Variants in NELL1 observed in about 807,000 individuals in gnomAD.
NELL1 encodes neural EGFL like 1.
In NELL1, 76 loss-of-function variants were observed where a neutral mutation model predicts 107.4. That is an observed-to-expected ratio of 0.71 (90% CI 0.59 to 0.86). The LOEUF (loss-of-function observed/expected upper bound fraction) is 0.86, where lower values mean the gene tolerates loss of function less well. Ranked by LOEUF, NELL1 falls within the 40% of genes least tolerant of loss-of-function variation. NELL1 has a pLI of 0.00. For synonymous variants in NELL1, 353 were observed against 341.2 expected, an observed-to-expected ratio of 1.03 and a Z score of -0.38; for missense variants, 1,024 against 1,005.5, an observed-to-expected ratio of 1.02 and a Z score of -0.25.
chr11:20,998,951 C>T (rs1289324907), intron 12 of NELL1, among the ~76,000 whole-genome samples: 2 of 152,156 alleles, frequency 1.3e-5, no homozygotes, highest in African/African-American at 2.4e-5. Flanking sequence ...CGAAGGGTGA[C>T]TTCTACCATT....
At chr11:21,344,677 A>G (rs1850648276) in intron 14 of NELL1, among the ~76,000 whole-genome samples, 2 of 152,182 alleles carry the variant, frequency 1.3e-5, no homozygotes. Flanking sequence ...TTCAAATTCC[A>G]GCTGTTCTAC....
chr11:21,218,302 A>G (rs1018598129), intron 13 of NELL1, among the ~76,000 whole-genome samples: 9 of 152,144 alleles, frequency 5.9e-5, no homozygotes, highest in Non-Finnish European at 1.3e-4. Flanking sequence ...TGCCTGAACT[A>G]TTAGCTGTAA....
chr11:21,155,251 A>C (rs1856206224), intron 13 of NELL1, among the ~76,000 whole-genome samples: 1 of 152,112 alleles, frequency 6.6e-6, no homozygotes, highest in African/African-American at 2.4e-5. Context: ...GGTACAAGTC[A>C]TTTGTTCAGT....
At chr11:20,937,536 G>T (rs1564975842) in intron 9 of NELL1, among the ~76,000 whole-genome samples, 1 of 152,178 alleles carries the variant, frequency 6.6e-6, no homozygotes, top group Non-Finnish European at 1.5e-5. Flanking sequence ...AGTTCCTTTG[G>T]CAACTGTAAC....
chr11:21,283,193 G>C (rs1192813303), intron 14 of NELL1, among the ~76,000 whole-genome samples: 1 of 152,054 alleles, frequency 6.6e-6, no homozygotes, highest in Non-Finnish European at 1.5e-5. Flanking sequence ...ATATATAAAA[G>C]ATAAATGTTT....
chr11:21,399,909 C>G (rs1852061145), intron 15 of NELL1, among the ~76,000 whole-genome samples: 1 of 151,790 alleles, frequency 6.6e-6, no homozygotes, highest in African/African-American at 2.4e-5. Context: ...AATAACATTA[C>G]TGACACCCTG....
chr11:20,911,169 A>G (rs975007452), intron 5 of NELL1, among the ~76,000 whole-genome samples: 1 of 152,250 alleles, frequency 6.6e-6, no homozygotes, highest in Non-Finnish European at 1.5e-5. Flanking sequence ...GAGCTCAAAT[A>G]CCTGGTACAG....
chr11:21,452,664 A>C (rs1228287460), intron 15 of NELL1, among the ~76,000 whole-genome samples: 1 of 151,910 alleles, frequency 6.6e-6, no homozygotes, highest in Non-Finnish European at 1.5e-5. Flanking sequence ...TATATTATTG[A>C]CTGCTAATCT....
intron 14 of NELL1, among the ~76,000 whole-genome samples, chr11:21,275,435 G>A (rs1480589623): frequency 6.6e-6 from 1 of 152,102 alleles, no homozygotes; most frequent in Non-Finnish European, 1.5e-5. Context: ...AAAAGTCCAG[G>A]ACCAGATGGA....
At chr11:21,330,269 T>C (rs1850241410) in intron 14 of NELL1, among the ~76,000 whole-genome samples, 1 of 152,086 alleles carries the variant, frequency 6.6e-6, no homozygotes, top group Non-Finnish European at 1.5e-5. Flanking sequence ...AAAAGGAAAA[T>C]ATGCATTTAT....
At chr11:20,808,095 C>G (rs1357163022) in intron 3 of NELL1, among the ~76,000 whole-genome samples, 2 of 152,168 alleles carry the variant, frequency 1.3e-5, no homozygotes, top group Non-Finnish European at 2.9e-5. Context: ...TTTACTCTTT[C>G]CTCTGCTTTT....
intron 5 of NELL1, among the ~76,000 whole-genome samples, chr11:20,911,262 A>G (rs1850125549): frequency 1.3e-5 from 2 of 152,218 alleles, no homozygotes; most frequent in African/African-American, 4.8e-5. Flanking sequence ...GGACAGAACC[A>G]ACAGTTATTG....
chr11:21,083,910 ACCATTTTTGTAATCGTAT>A (rs1249397597), intron 12 of NELL1, among the ~76,000 whole-genome samples: 10 of 152,208 alleles, frequency 6.6e-5, no homozygotes, highest in Non-Finnish European at 1.5e-4. Context: ...AAAAGTTATT[ACCATTTTTGTAATCGTAT>A]TTTGGGATTT....
chr11:20,686,150 G>A (rs1007296001), intron 2 of NELL1, among the ~76,000 whole-genome samples: 3 of 151,796 alleles, frequency 2.0e-5, no homozygotes, highest in Non-Finnish European at 4.4e-5. Context: ...ACCATCTGAT[G>A]TCCAGCTGTG....
At chr11:20,956,940 A>G (rs1350332201) in intron 11 of NELL1, among the ~76,000 whole-genome samples, 1 of 152,170 alleles carries the variant, frequency 6.6e-6, no homozygotes, top group East Asian at 1.9e-4. Context: ...AATGCTGCCT[A>G]ATATAGAAAC....
intron 14 of NELL1, among the ~76,000 whole-genome samples, chr11:21,365,948 A>G (rs796981066): frequency 1.1e-4 from 16 of 152,214 alleles, no homozygotes; most frequent in African/African-American, 3.6e-4. Context: ...GGGCCAGATC[A>G]TTCTTTGTCA....
At chr11:20,731,230 G>A (rs980746647) in intron 2 of NELL1, among the ~76,000 whole-genome samples, 1 of 152,226 alleles carries the variant, frequency 6.6e-6, no homozygotes, top group African/African-American at 2.4e-5. Flanking sequence ...GATACTCTGT[G>A]AATGTCTTGA....
At chr11:20,991,256 T>G (rs538843802) in intron 12 of NELL1, among the ~76,000 whole-genome samples, 1 of 152,302 alleles carries the variant, frequency 6.6e-6, no homozygotes, top group South Asian at 2.1e-4. Context: ...TTTGTTGTAA[T>G]GCATTGTCTT....
At chr11:20,742,572 C>T (rs1230087706) in intron 2 of NELL1, among the ~76,000 whole-genome samples, 4 of 152,094 alleles carry the variant, frequency 2.6e-5, no homozygotes, top group African/African-American at 9.7e-5. Flanking sequence ...ACAATCATGG[C>T]AGAAGGTGAA....
Sources: gnomAD v4.1 joint callset for allele counts (sites outside exome capture counted in the v4.1 genomes callset) on GRCh38, gnomAD v4.1.1 for gene constraint, MANE v1.5 for transcripts, NCBI Gene and HGNC (gene_info 2026-07-23, HGNC 2026-07-21) for gene names.